THSD4: variants seen among roughly 807,000 people sequenced by gnomAD.
THSD4 encodes thrombospondin type-1 domain-containing protein 4.
A neutral mutation model predicts 119.0 loss-of-function variants in THSD4; 69 were observed. The observed-to-expected ratio is 0.58, with a 90% CI of 0.48 to 0.71. The LOEUF is 0.71. Among genes scored for constraint, THSD4 ranks in the 30% least tolerant of loss-of-function variants. The pLI is 0.00. For synonymous variants in THSD4, 524 were observed against 540.4 expected (o/e 0.97, Z 0.42); for missense variants, 1,393 against 1,391.1 (o/e 1.00, Z -0.02).
At chr15:71,262,656 G>A (rs1464235575) in intron 6 of THSD4, among the ~76,000 whole-genome samples, 1 of 146,660 alleles carries the variant, frequency 6.8e-6, no homozygotes, top group South Asian at 2.2e-4. Context: ...CTAAAGAGTG[G>A]CAACTGAAAA....
intron 7 of THSD4, among the ~76,000 whole-genome samples, chr15:71,578,057 C>T (rs903579487): frequency 6.6e-6 from 1 of 151,754 alleles, no homozygotes; most frequent in Non-Finnish European, 1.5e-5. Context: ...CCTTCCCCTA[C>T]CTGGCATGTG....
At chr15:71,164,669 C>A in intron 3 of THSD4, 2 of 1,516,256 alleles carry the variant, frequency 1.3e-6, no homozygotes, top group East Asian at 2.3e-5. Context: ...ACAAATCTTA[C>A]ACAGCCTTAC....
intron 7 of THSD4, among the ~76,000 whole-genome samples, chr15:71,603,727 GCC>G (rs1328480124): frequency 1.3e-5 from 2 of 152,162 alleles, no homozygotes; most frequent in Non-Finnish European, 2.9e-5. Flanking sequence ...GGCTTGAAAT[GCC>G]TCTCCCTCTG....
At chr15:71,496,282 T>A (rs1006810506) in intron 7 of THSD4, among the ~76,000 whole-genome samples, 1 of 152,194 alleles carries the variant, frequency 6.6e-6, no homozygotes, top group African/African-American at 2.4e-5. Flanking sequence ...GATTTAGTTG[T>A]ACAATAGAAA....
In THSD4 at chr15:71,660,710, A is replaced by G; in HGVS notation, c.1333A>G (p.Met445Val). ...AGCCACGAAAATCAACATCACGGAGATGTACAAGAGCAACAACTATTTGGG... is the reference window on the plus strand; with the variant it reads ...AGCCACGAAAATCAACATCACGGAGGTGTACAAGAGCAACAACTATTTGGG... ...EGATKINITE[M>V]YKSNNYLALR... The change falls in exon 8 of 18, where the codon ATG (methionine) becomes GTG (valine). Residue 445 changes from methionine to valine, a missense_variant. By Grantham distance (21) the Met-to-Val change is conservative. Transcript: ENST00000261862. 1 of 1,614,092 alleles carries G rather than the reference A, an allele frequency of 6.2e-7. No homozygotes were observed. Among genetic ancestry groups the G allele is most frequent in the Non-Finnish European group, 8.5e-7 (1 of 1,180,002 alleles).
chr15:71,752,275 A>G (rs1180079446), intron 14 of THSD4, among the ~76,000 whole-genome samples: 1 of 152,148 alleles, frequency 6.6e-6, no homozygotes, highest in Admixed American at 6.5e-5. Flanking sequence ...AAAGATTTCC[A>G]CTCTACCTAT....
chr15:71,660,668 G>T lies in THSD4; in HGVS notation c.1291G>T (p.Val431Leu). 3.7e-6 allele frequency: 6 copies of T among 1,614,168 alleles called. No individual in the cohort carries two copies. Among genetic ancestry groups the T allele is most frequent in the Non-Finnish European group, 5.1e-6 (6 of 1,180,014 alleles). ...CACCAGCCTGGGCTACCACCGCGTCGTGGAGATTCCCGAGGGAGCCACGAA... is the reference window on the plus strand; with the variant it reads ...CACCAGCCTGGGCTACCACCGCGTCTTGGAGATTCCCGAGGGAGCCACGAA... ...ALTSLGYHRV[V>L]EIPEGATKIN... Residue 431 changes from valine to leucine, a missense_variant, in exon 8 of 18, where the codon GTG becomes TTG. Coordinates refer to ENST00000261862, the MANE Select transcript of THSD4 (RefSeq NM_024817.3).
At chr15:71,298,614 T>G (rs1280340889) in intron 6 of THSD4, among the ~76,000 whole-genome samples, 1 of 145,344 alleles carries the variant, frequency 6.9e-6, no homozygotes, top group East Asian at 2.0e-4. Flanking sequence ...CTGACTTTTT[T>G]TTTTTTTTTT....
chr15:71,596,691 A>G (rs1260289432), intron 7 of THSD4, among the ~76,000 whole-genome samples: 2 of 152,214 alleles, frequency 1.3e-5, no homozygotes, highest in Non-Finnish European at 2.9e-5. Flanking sequence ...AATTGGGCCA[A>G]ATTGTTAATG....
chr15:71,312,847 G>T (rs916770280), intron 6 of THSD4, among the ~76,000 whole-genome samples: 5 of 151,980 alleles, frequency 3.3e-5, no homozygotes, highest in African/African-American at 1.2e-4. Flanking sequence ...CATTATTCAG[G>T]CCTCTCTTCT....
At chr15:71,395,792 CCT>C (rs1293034140) in intron 6 of THSD4, among the ~76,000 whole-genome samples, 6 of 151,970 alleles carry the variant, frequency 3.9e-5, no homozygotes, top group African/African-American at 1.5e-4. Flanking sequence ...GGAGTTTTCC[CCT>C]GAATTCCTGG....
At chr15:71,235,583 C>CTTTT (rs1555457033) in intron 4 of THSD4, among the ~76,000 whole-genome samples, 6 of 127,318 alleles carry the variant, frequency 4.7e-5, no homozygotes, top group Non-Finnish European at 6.7e-5. Context: ...CCACCTCTCT[C>CTTTT]TTTTTTTTTT....
chr15:71,189,531 G>A (rs547513692), intron 3 of THSD4, among the ~76,000 whole-genome samples: 4 of 152,208 alleles, frequency 2.6e-5, no homozygotes, highest in African/African-American at 9.6e-5. Flanking sequence ...TTAGCCAGGC[G>A]CAGTGGCGGG....
chr15:71,410,534 G>A (rs1469838827), intron 6 of THSD4, among the ~76,000 whole-genome samples: 1 of 152,144 alleles, frequency 6.6e-6, no homozygotes, highest in Non-Finnish European at 1.5e-5. Flanking sequence ...TGGGATTTAA[G>A]GAAGAACAGG....
intron 7 of THSD4, among the ~76,000 whole-genome samples, chr15:71,432,243 G>T (rs1470623083): frequency 6.6e-6 from 1 of 152,128 alleles, no homozygotes; most frequent in Admixed American, 6.6e-5. Context: ...CCTTCCAAAG[G>T]CCCTTCTGGA....
chr15:71,543,236 A>C (rs1473756795), intron 7 of THSD4, among the ~76,000 whole-genome samples: 1 of 152,216 alleles, frequency 6.6e-6, no homozygotes, highest in East Asian at 1.9e-4. Context: ...ATTTTTCTGT[A>C]AACCTAAAGT....
intron 7 of THSD4, among the ~76,000 whole-genome samples, chr15:71,430,759 G>GAAAAAAAA (rs397719477): frequency 3.6e-5 from 3 of 82,950 alleles, no homozygotes; most frequent in African/African-American, 4.8e-5. Flanking sequence ...TCTGTCTCAA[G>GAAAAAAAA]AAAAAAAAAA....
intron 7 of THSD4, among the ~76,000 whole-genome samples, chr15:71,439,955 G>C (rs919767207): frequency 6.6e-6 from 1 of 152,116 alleles, no homozygotes; most frequent in Non-Finnish European, 1.5e-5. Flanking sequence ...CATGGCATGT[G>C]TATACCTATG....
At chr15:71,677,726 A>T (rs1477289624) in intron 8 of THSD4, among the ~76,000 whole-genome samples, 1 of 152,194 alleles carries the variant, frequency 6.6e-6, no homozygotes, top group African/African-American at 2.4e-5. Flanking sequence ...GCTACCCTGG[A>T]AATGTGAGAC....
Sources: gnomAD v4.1 joint callset for allele counts (sites outside exome capture counted in the v4.1 genomes callset) on GRCh38, gnomAD v4.1.1 for gene constraint, MANE v1.5 for transcripts, NCBI Gene and HGNC (gene_info 2026-07-23, HGNC 2026-07-21) for gene names.